Variants in ZNF469 observed in about 807,000 individuals in gnomAD.
ZNF469 encodes the protein zinc finger protein 469.
A neutral mutation model predicts 1.0 loss-of-function variants in ZNF469; 1 was observed. That is an observed-to-expected ratio of 1.00 (90% CI 0.35 to 4.73). ZNF469 has a LOEUF of 4.73. Ranked by LOEUF, ZNF469 falls within the 30% of genes most tolerant of loss-of-function variation. The pLI, the probability that ZNF469 is intolerant of heterozygous loss-of-function variation, is 0.16. For missense variants in ZNF469, 6,100 were observed against 5,356.3 expected (o/e 1.14, Z -4.33); for synonymous variants, 2,703 against 2,363.4 (o/e 1.14, Z -4.17).
chr16:88,328,761 C>T, the ZNF469 span, among the ~76,000 whole-genome samples: 7 of 152,184 alleles, frequency 4.6e-5, no homozygotes, highest in African/African-American at 9.7e-5. Flanking sequence ...GCAACAGAGG[C>T]GCCCAGTCTA....
the ZNF469 span, among the ~76,000 whole-genome samples, chr16:88,148,270 C>G: frequency 6.6e-6 from 1 of 152,146 alleles, no homozygotes; most frequent in Non-Finnish European, 1.5e-5. Flanking sequence ...CTCGGGGCCT[C>G]GTTCCCAGCT....
the ZNF469 span, among the ~76,000 whole-genome samples, chr16:88,239,701 ATATATATATATATATTTTTTTTTTTTT>A: frequency 5.8e-4 from 5 of 8,668 alleles, no homozygotes; most frequent in African/African-American, 1.6e-3. Context: ...ATATATATAT[ATATATATATATATATTTTTTTTTTTTT>A]TTTTTTTTTT....
At chr16:88,356,464 GTGCCTGTGTGTGTGTGTACACA>G in the ZNF469 span, among the ~76,000 whole-genome samples, 77 of 152,226 alleles carry the variant, frequency 5.1e-4, no homozygotes, top group African/African-American at 1.6e-3. Flanking sequence ...GTGTTGACGT[GTGCCTGTGTGTGTGTGTACACA>G]TGCCTGTGTG....
At chr16:88,123,111 C>T in the ZNF469 span, among the ~76,000 whole-genome samples, 1 of 152,162 alleles carries the variant, frequency 6.6e-6, no homozygotes, top group Non-Finnish European at 1.5e-5. Context: ...AGTATGGACA[C>T]ATTTTTGCAC....
chr16:88,264,303 A>G, the ZNF469 span, among the ~76,000 whole-genome samples: 2 of 151,492 alleles, frequency 1.3e-5, no homozygotes, highest in African/African-American at 4.9e-5. Flanking sequence ...GCCACCCCTC[A>G]TGCAGCTCAA....
At chr16:88,248,529 T>G in the ZNF469 span, among the ~76,000 whole-genome samples, 3 of 141,212 alleles carry the variant, frequency 2.1e-5, no homozygotes, top group Admixed American at 7.0e-5. Flanking sequence ...GAGACCCCTG[T>G]CTCAAAAAAA....
At chr16:88,404,915 A>C (rs190259845) in intron 1 of ZNF469, among the ~76,000 whole-genome samples, 36 of 152,190 alleles carry the variant, frequency 2.4e-4, no homozygotes, top group Admixed American at 4.6e-4. Flanking sequence ...CTCCAAACAG[A>C]CTTAGCAGAA....
At chr16:88,395,278 G>A (rs1375655508) in intron 1 of ZNF469, among the ~76,000 whole-genome samples, 1 of 134,792 alleles carries the variant, frequency 7.4e-6, no homozygotes, top group Admixed American at 7.4e-5. Flanking sequence ...TGGATGGATG[G>A]ATGGATGGGT....
chr16:88,417,071 C>T (rs1361653554), intron 1 of ZNF469, among the ~76,000 whole-genome samples: 1 of 152,248 alleles, frequency 6.6e-6, no homozygotes, highest in Non-Finnish European at 1.5e-5. Flanking sequence ...TTGGGCACCG[C>T]CTGCCCTTTT....
At chr16:88,396,543 A>AGGAGACCCTCCTGAAGGGAGGCCAGAT (rs1904668414) in intron 1 of ZNF469, among the ~76,000 whole-genome samples, 1 of 145,588 alleles carries the variant, frequency 6.9e-6, no homozygotes, top group Non-Finnish European at 1.5e-5. Context: ...GGAGGCCGGG[A>AGGAGACCCTCCTGAAGGGAGGCCAGAT]GGAGACCCTC....
chr16:88,168,628 T>C, the ZNF469 span, among the ~76,000 whole-genome samples: 1 of 152,216 alleles, frequency 6.6e-6, no homozygotes, highest in Non-Finnish European at 1.5e-5. This position sits in a 1 kb window ranked among gnomAD's most constrained non-coding sequence, Gnocchi z 4.3. Flanking sequence ...CCATCTCCTC[T>C]CCAGAACAGT....
the ZNF469 span, among the ~76,000 whole-genome samples, chr16:88,154,362 C>T: frequency 6.6e-5 from 10 of 152,278 alleles, no homozygotes; most frequent in African/African-American, 1.9e-4. Flanking sequence ...GATGGGGTTT[C>T]GCCATGTTGG....
chr16:88,114,675 C>A, the ZNF469 span, among the ~76,000 whole-genome samples: 1 of 152,212 alleles, frequency 6.6e-6, no homozygotes, highest in South Asian at 2.1e-4. Context: ...CCTGTCTGAG[C>A]CTCTCTGCAG....
intron 1 of ZNF469, among the ~76,000 whole-genome samples, chr16:88,422,910 G>T (rs542893052): frequency 6.6e-6 from 1 of 150,596 alleles, no homozygotes; most frequent in African/African-American, 2.4e-5. Context: ...ACAGACGGAC[G>T]GATGGGTGGA....
In ZNF469 at chr16:88,434,896, G is replaced by A. The variant is rs1285252474; in HGVS notation, c.7426G>A (p.Val2476Ile). The A allele has an allele frequency of 3.2e-6, 5 of 1,550,226 alleles. No individual in the cohort carries two copies. The highest frequency in any genetic ancestry group is 4.4e-6 in the Non-Finnish European group (5 of 1,147,000). Reference protein sequence around the residue: ...QAPHGPVTCEVCAASFRSGPG... With the variant: ...QAPHGPVTCEICAASFRSGPG... Reference sequence around the variant, plus strand: ...TCCACATGGGCCTGTGACCTGTGAGGTCTGCGCAGCCTCCTTCCGCTCCGG... The same window carrying A: ...TCCACATGGGCCTGTGACCTGTGAGATCTGCGCAGCCTCCTTCCGCTCCGG... The change falls in exon 3 of 3, where the codon GTC (valine) becomes ATC (isoleucine). Residue 2476 changes from valine (V) to isoleucine (I), a missense_variant. Transcript: ENST00000565624.
chr16:88,138,146 T>C, the ZNF469 span, among the ~76,000 whole-genome samples: 2 of 152,204 alleles, frequency 1.3e-5, no homozygotes, highest in Non-Finnish European at 2.9e-5. Flanking sequence ...TTCTAGAATG[T>C]TCCATGGACT....
chr16:88,301,773 G>T, the ZNF469 span, among the ~76,000 whole-genome samples: 2 of 152,162 alleles, frequency 1.3e-5, no homozygotes, highest in African/African-American at 4.8e-5. Flanking sequence ...CCTTTTTGTG[G>T]GTTACTGAGA....
chr16:88,158,697 G>A, the ZNF469 span, among the ~76,000 whole-genome samples: 3 of 152,230 alleles, frequency 2.0e-5, no homozygotes, highest in Admixed American at 6.5e-5. Context: ...CTGCTGGGGA[G>A]CTCTGCTACT....
At chr16:88,150,996 A>T in the ZNF469 span, among the ~76,000 whole-genome samples, 1 of 152,156 alleles carries the variant, frequency 6.6e-6, no homozygotes, top group African/African-American at 2.4e-5. Flanking sequence ...TCCAGGAAGA[A>T]AGTGCTTATG....
Sources: allele counts gnomAD v4.1 joint callset (sites outside exome capture counted in the v4.1 genomes callset), GRCh38; gene constraint gnomAD v4.1.1; non-coding constraint Gnocchi (gnomAD v3.1); transcripts MANE v1.5; gene names NCBI Gene and HGNC (gene_info 2026-07-23, HGNC 2026-07-21).